SLC2A9: variants seen among roughly 807,000 people sequenced by gnomAD.
SLC2A9 encodes solute carrier family 2 member 9.
SLC2A9 carries 39 observed loss-of-function variants against 50.6 expected under a neutral mutation model. That is an observed-to-expected ratio of 0.77 (90% CI 0.60 to 1.01). SLC2A9 has a LOEUF of 1.01. Ranked by LOEUF, SLC2A9 falls within the 50% of genes least tolerant of loss-of-function variation. The probability of loss-of-function intolerance (pLI) is 0.00; values close to 1 mark genes in which losing one functional copy is unlikely to be tolerated. For synonymous variants in SLC2A9, 324 were observed against 276.9 expected (o/e 1.17, Z -1.69); for missense variants, 686 against 677.6 (o/e 1.01, Z -0.14).
At chr4:9,846,552 G>A (rs1371174552) in intron 10 of SLC2A9, among the ~76,000 whole-genome samples, 2 of 152,210 alleles carry the variant, frequency 1.3e-5, no homozygotes, top group East Asian at 1.9e-4. Flanking sequence ...ACCACCAGGT[G>A]AGAGGCTTTG....
At chr4:10,039,313 T>C (rs1287689778) in intron 1 of SLC2A9, among the ~76,000 whole-genome samples, 2 of 152,100 alleles carry the variant, frequency 1.3e-5, no homozygotes, top group African/African-American at 4.8e-5. Flanking sequence ...GGAGGGCCAG[T>C]GCATGGAGGA....
intron 3 of SLC2A9, among the ~76,000 whole-genome samples, chr4:9,802,375 G>A (rs1011025309): frequency 2.0e-5 from 3 of 151,780 alleles, no homozygotes; most frequent in Non-Finnish European, 4.4e-5. Context: ...GGGTCTGCAG[G>A]CTGGCCCCTG....
At position 9,846,771 on chromosome 4, in the gene SLC2A9, A is replaced by G. The variant is rs556473478; in HGVS notation, c.1292-11763T>C. Among the ~76,000 whole-genome samples, 2 of 152,292 alleles carry G rather than the reference A, an allele frequency of 1.3e-5. 1 individual carries two copies. Among genetic ancestry groups the G allele is most frequent in the South Asian group, 4.1e-4 (2 of 4,826 alleles). ...TCAATTGTAATTTCATTTTTACATA[A>G]AAGAAATAAAGTGCACACCCAAACT... On this transcript the variant is annotated intron_variant, in intron 10 of 11. Coordinates refer to ENST00000264784, the MANE Select transcript of SLC2A9 (RefSeq NM_020041.3).
chr4:9,794,569 G>A (rs1720360474), downstream of SLC2A9, among the ~76,000 whole-genome samples: 1 of 152,248 alleles, frequency 6.6e-6, no homozygotes, highest in Non-Finnish European at 1.5e-5. Context: ...GCTAAGAAGT[G>A]ACAAGGTGGA....
chr4:9,793,066 G>A (rs947935471), intron 3 of SLC2A9, among the ~76,000 whole-genome samples: 4 of 152,102 alleles, frequency 2.6e-5, no homozygotes, highest in Non-Finnish European at 5.9e-5. Flanking sequence ...TAGAGACGGG[G>A]TTTCTCCATG....
intron 8 of SLC2A9, among the ~76,000 whole-genome samples, chr4:9,899,485 T>G (rs1739203193): frequency 6.6e-6 from 1 of 152,204 alleles, no homozygotes; most frequent in Non-Finnish European, 1.5e-5. Flanking sequence ...AGCCAAGACC[T>G]TGGAAAGCTG....
At chr4:9,884,159 T>C (rs1735739436) in intron 10 of SLC2A9, among the ~76,000 whole-genome samples, 2 of 152,238 alleles carry the variant, frequency 1.3e-5, no homozygotes, top group Admixed American at 6.5e-5. Flanking sequence ...GAGACATATT[T>C]GTTAGGCAGC....
At chr4:9,932,989 G>A (rs1055380830) in intron 6 of SLC2A9, among the ~76,000 whole-genome samples, 4 of 152,210 alleles carry the variant, frequency 2.6e-5, no homozygotes, top group Non-Finnish European at 4.4e-5. Flanking sequence ...CACGTCATCT[G>A]TGCCAAGAAC....
At chr4:9,894,443 T>C (rs549414497) in intron 8 of SLC2A9, among the ~76,000 whole-genome samples, 19 of 152,214 alleles carry the variant, frequency 1.2e-4, no homozygotes, top group Non-Finnish European at 2.4e-4. Context: ...GTTGGGGGAA[T>C]ATGTGATTAT....
chr4:9,782,151 T>C lies in SLC2A9; in HGVS notation n.386-2086A>G, dbSNP rs201330876. 227 of 1,576,478 alleles carry C rather than the reference T, an allele frequency of 1.4e-4. No homozygotes were observed. Among genetic ancestry groups the C allele is most frequent in the Middle Eastern group, 4.0e-4 (2 of 4,992 alleles). ...GCACCGCCACTGGGGCCCTCACAGGTGGTCACCGCCTGCCTGCTGACCCTA... is the reference window on the plus strand; with the variant it reads ...GCACCGCCACTGGGGCCCTCACAGGCGGTCACCGCCTGCCTGCTGACCCTA... On this transcript the variant is annotated intron_variant and non_coding_transcript_variant, in intron 3 of 3. Transcript: ENST00000503803.
chr4:9,972,527 C>T (rs775656122), intron 5 of SLC2A9, among the ~76,000 whole-genome samples: 10 of 151,232 alleles, frequency 6.6e-5, no homozygotes, highest in Non-Finnish European at 1.2e-4. Flanking sequence ...AAGCCACCTT[C>T]GTCTACCACA....
chr4:9,922,658 C>G (rs1198350538), intron 6 of SLC2A9, among the ~76,000 whole-genome samples: 1 of 152,200 alleles, frequency 6.6e-6, no homozygotes, highest in Non-Finnish European at 1.5e-5. Context: ...GCATGAGTTT[C>G]TCCTGAGTTT....
chr4:9,772,968 G>C (rs1450521833), intron 1 of SLC2A9, among the ~76,000 whole-genome samples: 2 of 152,188 alleles, frequency 1.3e-5, no homozygotes, highest in Non-Finnish European at 1.5e-5. Flanking sequence ...GCTTAGAGAG[G>C]TTACGTCACT....
At chr4:9,948,572 A>C (rs1372369421) in intron 5 of SLC2A9, among the ~76,000 whole-genome samples, 2 of 152,194 alleles carry the variant, frequency 1.3e-5, no homozygotes, top group African/African-American at 4.8e-5. Context: ...TGTTTCCTCC[A>C]CCAAGGCTAC....
At chr4:9,782,172 C>A (rs1296449358) in intron 3 of SLC2A9, 1 of 1,598,768 alleles carries the variant, frequency 6.3e-7, no homozygotes, top group Non-Finnish European at 8.5e-7. Context: ...TGCCTGCTGA[C>A]CCTACTCATC....
chr4:9,932,956 T>C lies in SLC2A9; in HGVS notation c.814+8957A>G, dbSNP rs114029957. ...CAGCACCATCAGCTGTGGCTCCTGGTTAGCCTCAGAGGCTGTGGTTCCCAC... is the reference window on the plus strand; with the variant it reads ...CAGCACCATCAGCTGTGGCTCCTGGCTAGCCTCAGAGGCTGTGGTTCCCAC... On this transcript the variant is annotated intron_variant, in intron 6 of 11. Transcript: ENST00000264784. Among the ~76,000 whole-genome samples the C allele has an allele frequency of 3.5e-3, 527 of 152,334 alleles. 4 individuals carry two copies. The highest frequency in any genetic ancestry group is 0.012 in the African/African-American group (480 of 41,584).
chr4:9,883,807 G>A (rs1025895487), intron 10 of SLC2A9, among the ~76,000 whole-genome samples: 8 of 152,240 alleles, frequency 5.3e-5, no homozygotes, highest in Admixed American at 3.3e-4. Flanking sequence ...CTGCAAATAC[G>A]TCCTGACAAC....
chr4:9,860,418 TG>T (rs1211116566), intron 10 of SLC2A9, among the ~76,000 whole-genome samples: 1 of 152,160 alleles, frequency 6.6e-6, no homozygotes, highest in Admixed American at 6.5e-5. Flanking sequence ...TGAACGAAGA[TG>T]GGGAGATGAA....
chr4:10,004,562 C>A (rs1409979624), intron 2 of SLC2A9, among the ~76,000 whole-genome samples: 1 of 152,196 alleles, frequency 6.6e-6, no homozygotes, highest in Admixed American at 6.5e-5. Flanking sequence ...ACTTAAGGAA[C>A]CTGGGTCCCT....
Sources: allele counts gnomAD v4.1 joint callset (sites outside exome capture counted in the v4.1 genomes callset), GRCh38; gene constraint gnomAD v4.1.1; transcripts MANE v1.5; gene names NCBI Gene and HGNC (gene_info 2026-07-23, HGNC 2026-07-21).